Variants in OPLAH observed in about 807,000 individuals in gnomAD.
OPLAH encodes 5-oxoprolinase.
OPLAH carries 103 observed loss-of-function variants against 122.8 expected under a neutral mutation model. The ratio of observed to expected loss-of-function variants is 0.84; its 90% CI spans 0.71 to 0.99. The LOEUF is 0.99. OPLAH is among the 50% of genes least tolerant of loss of function. The pLI is 0.00. For synonymous variants in OPLAH, 875 were observed against 796.0 expected (o/e 1.10, Z -1.67); for missense variants, 1,902 against 1,836.5 (o/e 1.04, Z -0.65).
At position 144,055,899 on chromosome 8, in the gene OPLAH, T is replaced by C. The variant is rs782447439; in HGVS notation, c.2137A>G (p.Lys713Glu). The change falls in exon 16 of 27, where the codon AAG (lysine) becomes GAG (glutamate). Residue 713 changes from lysine to glutamate, a missense_variant. Lys to Glu is a moderately conservative substitution (Grantham distance 56). Coordinates refer to ENST00000618853, the MANE Select transcript of OPLAH (RefSeq NM_017570.5). This position sits in a 1 kb window ranked among gnomAD's most constrained non-coding sequence, Gnocchi z 6.5. ...VEPGCQAEVTKTGDICISVGA... is the reference protein window; with the variant it reads ...VEPGCQAEVTETGDICISVGA... ...ACGGAGATGCAGATGTCCCCTGTCT[T>C]GGTCACCTCTGCCTGGCAACCTGGC... The C allele has an allele frequency of 1.3e-6, 2 of 1,587,448 alleles. No individual in the cohort carries two copies. The highest frequency in any genetic ancestry group is 1.7e-6 in the Non-Finnish European group (2 of 1,167,130).
At chr8:144,054,020 C>A (rs1346529252) in intron 19 of OPLAH, among the ~76,000 whole-genome samples, 4 of 138,806 alleles carry the variant, frequency 2.9e-5, no homozygotes, top group Admixed American at 2.3e-4. Context: ...TCAGCATCAT[C>A]CAGGGCAACT....
chr8:144,055,141 T>C lies in OPLAH; in HGVS notation c.2297A>G (p.Lys766Arg). 1 of 1,581,856 alleles carries C rather than the reference T, an allele frequency of 6.3e-7. No homozygotes were observed. The highest frequency in any genetic ancestry group is 1.8e-5 in the Admixed American group (1 of 55,248). Residue 766 changes from lysine to arginine, a missense_variant, in exon 17 of 27, where the codon AAG becomes AGG. Around this residue, in one of 3 missense-constraint regions of OPLAH, gnomAD observed 1,726 missense variants for 1,642.1 expected, o/e 1.05. Coordinates refer to ENST00000618853, the MANE Select transcript of OPLAH (RefSeq NM_017570.5). The surrounding 1 kb of genome is among the most constrained non-coding windows in gnomAD (Gnocchi z 6.5). ...LQRTAISTNI[K>R]ERLDFSCALF... ...GGCACAGGAGAAGTCCAGACGCTCC[T>C]TGATGTTGGTGGAGATGGCTGTGCG...
Position 144,052,777 on chromosome 8 carries a change from G to C in OPLAH, c.3142C>G (p.Pro1048Ala). 6.4e-7 allele frequency: 1 copy of C among 1,566,154 alleles called. No homozygotes were observed. Among genetic ancestry groups the C allele is most frequent in the Non-Finnish European group, 8.6e-7 (1 of 1,156,756 alleles). The change falls in exon 22 of 27, where the codon CCA (proline) becomes GCA (alanine). Residue 1048 changes from proline (P) to alanine (A), a missense_variant. This residue lies in a region of OPLAH where 1,726 missense variants were observed against 1,642.1 expected (regional missense o/e 1.05). Coordinates refer to ENST00000618853, the MANE Select transcript of OPLAH (RefSeq NM_017570.5). ...CLRCLVGRDIPLNQGCLAPVR... is the reference protein window; with the variant it reads ...CLRCLVGRDIALNQGCLAPVR... ...ACACCCCTGCGAACCTGGTTGAGTG[G>C]GATGTCGCGGCCCACCAGACAGCGC...
At chr8:144,052,727 C>T in intron 22 of OPLAH, 39 bp downstream of exon 22, 2 of 1,554,356 alleles carry the variant, frequency 1.3e-6, no homozygotes, top group Non-Finnish European at 1.7e-6. Context: ...AGGGTGACCT[C>T]GGGCTGGGGC....
At chr8:144,051,001 G>A, downstream of OPLAH, 3 of 1,106,706 alleles carry the variant, frequency 2.7e-6, no homozygotes, top group South Asian at 3.6e-5. Flanking sequence ...GGCAGAAGCC[G>A]CCGAGCTAAG....
upstream of OPLAH, chr8:144,060,769 T>C (rs1835649055): frequency 6.6e-6 from 1 of 151,866 alleles, no homozygotes; most frequent in African/African-American, 2.4e-5. Context: ...CCCGCGCCAC[T>C]GGTCCCGGCA....
Position 144,057,494 on chromosome 8 carries a change from C to T in OPLAH, c.1376G>A (p.Arg459His), listed in dbSNP as rs368656620. Residue 459 changes from arginine to histidine, a missense_variant, in exon 10 of 27, where the codon CGC (arginine) becomes CAC (histidine). Arg to His is a conservative substitution (Grantham distance 29). Around this residue, in one of 3 missense-constraint regions of OPLAH, gnomAD observed 1,726 missense variants for 1,642.1 expected, o/e 1.05. Transcript: ENST00000618853. ...SLEEVAMGFV[R>H]VANEAMCRPI... ...CCGGCACATGGCCTCGTTGGCCACG[C>T]GCACGAACCCCATGGCCACCTCCTC... 81 of 1,597,040 alleles carry T rather than the reference C, an allele frequency of 5.1e-5. No individual in the cohort carries two copies. The highest frequency in any genetic ancestry group is 1.5e-4 in the African/African-American group (11 of 74,738).
upstream of OPLAH, among the ~76,000 whole-genome samples, chr8:144,062,892 C>A (rs1001561867): frequency 6.6e-6 from 1 of 151,946 alleles, no homozygotes; most frequent in Non-Finnish European, 1.5e-5. Context: ...CCACCTCCCC[C>A]ACCTCCGCCT....
Position 144,058,239 on chromosome 8 carries a change from C to G in OPLAH, c.949G>C (p.Gly317Arg). 1 of 1,607,274 alleles carries G rather than the reference C, an allele frequency of 6.2e-7. No individual in the cohort carries two copies. The highest frequency in any genetic ancestry group is 8.5e-7 in the Non-Finnish European group (1 of 1,176,120). Residue 317 changes from glycine to arginine, a missense_variant and splice_region_variant, in exon 7 of 27, where the codon GGC becomes CGC. Transcript: ENST00000618853. Reference protein sequence around the residue: ...GQPVIGFDMGGTSTDVSRYAG... With the variant: ...GQPVIGFDMGRTSTDVSRYAG... Reference sequence around the variant, plus strand: ...AGACCCCAGCCCTCGGCCCTCATACCTCCCATGTCAAAGCCGATGACAGGC... The same window carrying G: ...AGACCCCAGCCCTCGGCCCTCATACGTCCCATGTCAAAGCCGATGACAGGC...
Position 144,055,979 on chromosome 8 carries a change from C to A in OPLAH, c.2097-40G>T, listed in dbSNP as rs373182439. On this transcript the variant is annotated intron_variant, in intron 15 of 26. Coordinates refer to ENST00000618853, the MANE Select transcript of OPLAH (RefSeq NM_017570.5). This position sits in a 1 kb window ranked among gnomAD's most constrained non-coding sequence, Gnocchi z 6.5. ...GCACAGAGGGCTGCATGGGGCCAGG[C>A]GACACCCCTCCAACCAGAGATGCCA... 1.3e-6 allele frequency: 2 copies of A among 1,513,910 alleles called. No individual in the cohort carries two copies. Among genetic ancestry groups the A allele is most frequent in the Non-Finnish European group, 1.8e-6 (2 of 1,126,674 alleles). The allele number at this position is 1,513,910 out of a possible 1,614,324, so 93.8% of individuals were successfully genotyped here.
chr8:144,063,512 C>T (rs1182297626), upstream of OPLAH, among the ~76,000 whole-genome samples: 2 of 152,178 alleles, frequency 1.3e-5, no homozygotes, highest in African/African-American at 4.8e-5. This position sits in a 1 kb window ranked among gnomAD's most constrained non-coding sequence, Gnocchi z 4.2. Flanking sequence ...CCTGGAAAGC[C>T]GCGCCCCAGC....
chr8:144,061,119 CCTT>C (rs1329360211), upstream of OPLAH, among the ~76,000 whole-genome samples: 1 of 152,250 alleles, frequency 6.6e-6, no homozygotes, highest in Non-Finnish European at 1.5e-5. Flanking sequence ...GTATCTCTGG[CCTT>C]CTTCACCGGG....
In OPLAH at chr8:144,058,904, A is replaced by G; in HGVS notation, c.464-8T>C. 6.5e-7 allele frequency: 1 copy of G among 1,548,550 alleles called. No homozygotes were observed. Among genetic ancestry groups the G allele is most frequent in the South Asian group, 1.2e-5 (1 of 84,352 alleles). ...GCAGGTCCCCCGTGCGGCCTTCCAG[A>G]AAAGCCCAGGAGGCCCCGTTAAAGG... On this transcript the variant is annotated splice_polypyrimidine_tract_variant and splice_region_variant and intron_variant, in intron 4 of 26. Coordinates refer to ENST00000618853, the MANE Select transcript of OPLAH (RefSeq NM_017570.5).
At chr8:144,050,745 C>A, downstream of OPLAH, 1 of 985,988 alleles carries the variant, frequency 1.0e-6, no homozygotes, top group Non-Finnish European at 1.2e-6. Context: ...ACCTGGGGAG[C>A]GCCGTCGGCT....
At position 144,052,999 on chromosome 8, in the gene OPLAH, TG is replaced by T; in HGVS notation, c.3001del (p.Gln1001ArgfsTer4). The part of the protein sequence containing the change: ...DDGSPIRLRV[Q>X]ISLSQGSAVF... The stretch of plus-strand genomic sequence containing the variant: ...ACGGCCCACCTGACTCAGGCTGATC[TG>T]CACACGGAGGCGGATGGGGGAACCG... On this transcript the variant is annotated frameshift_variant, in exon 21 of 27. Transcript: ENST00000618853. LOFTEE classifies it high-confidence loss of function. 6.2e-7 allele frequency: 1 copy of T among 1,601,590 alleles called. No homozygotes were observed. Among genetic ancestry groups the T allele is most frequent in the Non-Finnish European group, 8.5e-7 (1 of 1,174,762 alleles).
Position 144,052,065 on chromosome 8 carries a change from A to T in OPLAH, c.3473T>A (p.Ile1158Asn), listed in dbSNP as rs1388365179. The T allele has an allele frequency of 4.4e-6, 7 of 1,584,586 alleles. No homozygotes were observed. The African/African-American group carries it at 8.2e-5, about 19-fold the overall frequency. ...PEILESRYPV[I>N]LRRFELRRGS... ...CCGCCGCAGCTCGAAGCGGCGCAGGATGACCGGGTACCTGCGAGGGCGAGG... is the reference window on the plus strand; with the variant it reads ...CCGCCGCAGCTCGAAGCGGCGCAGGTTGACCGGGTACCTGCGAGGGCGAGG... The change falls in exon 25 of 27, where the codon ATC becomes AAC. Residue 1158 changes from isoleucine to asparagine, a missense_variant. Around this residue, in one of 3 missense-constraint regions of OPLAH, gnomAD observed 1,726 missense variants for 1,642.1 expected, o/e 1.05. Coordinates refer to ENST00000618853, the MANE Select transcript of OPLAH (RefSeq NM_017570.5).
chr8:144,059,900 C>T lies in OPLAH; in HGVS notation c.133G>A (p.Asp45Asn). The T allele has an allele frequency of 1.2e-6, 2 of 1,612,802 alleles. No homozygotes were observed. Among genetic ancestry groups the T allele is most frequent in the South Asian group, 1.1e-5 (1 of 91,088 alleles). Residue 45 changes from aspartate to asparagine, a missense_variant, in exon 2 of 27, where the codon GAC becomes AAC. Asp to Asn is a conservative substitution (Grantham distance 23). Around this residue, in one of 3 missense-constraint regions of OPLAH, gnomAD observed 168 missense variants for 170.6 expected, o/e 0.98. Transcript: ENST00000618853. ...LLSEDPANYA[D>N]APTEGIRRIL... ...CGGCGGATGCCTTCGGTTGGCGCGT[C>T]CGCATAGTTGGCAGGGTCCTCTGAG...
At position 144,052,906 on chromosome 8, in the gene OPLAH, C is replaced by T. The variant is rs1554758055; in HGVS notation, c.3019-6G>A. Reference sequence around the variant, plus strand: ...AAGTCAAACACGGCGCTGCCCTGCGCGCCCCGAGGGAAGGGAGAGGCTGTC... The same window carrying T: ...AAGTCAAACACGGCGCTGCCCTGCGTGCCCCGAGGGAAGGGAGAGGCTGTC... On this transcript the variant is annotated splice_region_variant and splice_polypyrimidine_tract_variant and intron_variant, in intron 21 of 26. Transcript: ENST00000618853. 23 of 1,558,886 alleles carry T rather than the reference C, an allele frequency of 1.5e-5. No homozygotes were observed. The highest frequency in any genetic ancestry group is 2.0e-5 in the Non-Finnish European group (23 of 1,152,192).
At chr8:144,059,157 G>C (rs781885180) in intron 3 of OPLAH, 78 bp from the exon 4 acceptor site, 1 of 1,162,532 alleles carries the variant, frequency 8.6e-7, no homozygotes, top group Non-Finnish European at 1.2e-6. Flanking sequence ...GGTGGTACAG[G>C]TGAGTGGCTG....
Sources: allele counts gnomAD v4.1 joint callset (sites outside exome capture counted in the v4.1 genomes callset), GRCh38; gene constraint gnomAD v4.1.1; regional missense constraint gnomAD v4.1.1; non-coding constraint Gnocchi (gnomAD v3.1); transcripts MANE v1.5; gene names NCBI Gene and HGNC (gene_info 2026-07-23, HGNC 2026-07-21).